The following NLRP5 variants were observed in gnomAD, a reference collection of about 807,000 sequenced individuals.
NLRP5 encodes the protein NACHT, LRR and PYD domains-containing protein 5.
Under a neutral mutation model 113.1 loss-of-function variants are expected in NLRP5, and 93 were observed. The ratio of observed to expected loss-of-function variants is 0.82; its 90% CI spans 0.70 to 0.98. The LOEUF is 0.98. NLRP5 is among the 50% of genes least tolerant of loss of function. The pLI is 0.00. For missense variants in NLRP5, 1,808 were observed against 1,514.3 expected, an observed-to-expected ratio of 1.19 and a Z score of -3.22; for synonymous variants, 751 against 600.7, an observed-to-expected ratio of 1.25 and a Z score of -3.66.
At chr19:56,004,660 C>T (rs751233084) in intron 2 of NLRP5, among the ~76,000 whole-genome samples, 4 of 151,986 alleles carry the variant, frequency 2.6e-5, no homozygotes, top group African/African-American at 4.8e-5. Context: ...AGCAAGAATT[C>T]GGATCAGATT....
At position 56,027,388 on chromosome 19, in the gene NLRP5, G is replaced by C. The variant is rs748872279; in HGVS notation, c.1155G>C (p.Gln385His). Residue 385 changes from glutamine to histidine, a missense_variant, in exon 7 of 15, where the codon CAG becomes CAC. Transcript: ENST00000390649. Reference sequence around the variant, plus strand: ...TCTGCAAAGACTGGGCTGAGAAGCAGCCTCCGTTCACCCTCATACGCAGTC... The same window carrying C: ...TCTGCAAAGACTGGGCTGAGAAGCACCCTCCGTTCACCCTCATACGCAGTC... 4 of 1,613,434 alleles carry C rather than the reference G, an allele frequency of 2.5e-6. No homozygotes were observed. The African/African-American group carries it at 4.0e-5, about 16-fold the overall frequency.
Position 56,028,512 on chromosome 19 carries a change from G to A in NLRP5, c.2276+3G>A. ...GCATGTCCTGTGGTCCCTCTATGGT[G>A]AGTACCCCAGGCAGTTTTATCCTAT... On this transcript the variant is annotated splice_donor_region_variant and intron_variant, in intron 7 of 14. Coordinates refer to ENST00000390649, the MANE Select transcript of NLRP5 (RefSeq NM_153447.4). The A allele has an allele frequency of 1.2e-6, 2 of 1,610,714 alleles. No individual in the cohort carries two copies. Among genetic ancestry groups the A allele is most frequent in the Non-Finnish European group, 1.7e-6 (2 of 1,178,342 alleles).
chr19:56,058,204 C>T (rs768171390), intron 13 of NLRP5, 36 bp from the exon 14 acceptor site: 16 of 1,563,976 alleles, frequency 1.0e-5, no homozygotes, highest in African/African-American at 1.4e-5. Context: ...CATCATCGAT[C>T]TTTGGGGTTA....
chr19:56,048,804 AAT>A (rs1256518205), intron 11 of NLRP5, among the ~76,000 whole-genome samples: 1 of 151,882 alleles, frequency 6.6e-6, no homozygotes. Context: ...TATGCACCCA[AAT>A]ATGTTTTCCA....
the NLRP5 span, among the ~76,000 whole-genome samples, chr19:55,991,868 TTC>T: frequency 2.6e-4 from 40 of 152,172 alleles, 2 homozygotes; most frequent in Non-Finnish European, 5.9e-5. Flanking sequence ...ACAGCTAACA[TTC>T]TTTTTTTACT....
chr19:56,057,198 A>G (rs188477579), intron 13 of NLRP5, among the ~76,000 whole-genome samples: 159 of 152,252 alleles, frequency 1.0e-3, no homozygotes, highest in Non-Finnish European at 8.1e-4. Flanking sequence ...CTATATACCC[A>G]CCACCTAATT....
chr19:55,987,454 C>T, the NLRP5 span, among the ~76,000 whole-genome samples: 1 of 152,264 alleles, frequency 6.6e-6, no homozygotes, highest in South Asian at 2.1e-4. Flanking sequence ...GGTAGGAGTC[C>T]AGAGGGTGTT....
At position 56,040,910 on chromosome 19, in the gene NLRP5, CTCT is replaced by C. The variant is rs762827030; in HGVS notation, c.2787-7_2787-5del. 9 of 1,612,310 alleles carry C rather than the reference CTCT, an allele frequency of 5.6e-6. No homozygotes were observed. In the South Asian group the frequency reaches 6.6e-5, roughly 12 times the overall value. On this transcript the variant is annotated splice_polypyrimidine_tract_variant and intron_variant, in intron 10 of 14. Coordinates refer to ENST00000390649, the MANE Select transcript of NLRP5 (RefSeq NM_153447.4). ...ATCTCATCATGTCCTCTCTGGGGCTCTCTTCTTGCAGACTGGAGGACTGTGGCA... is the reference window on the plus strand; with the variant it reads ...ATCTCATCATGTCCTCTCTGGGGCTCTCTTGCAGACTGGAGGACTGTGGCA...
chr19:56,004,112 A>G lies in NLRP5; in HGVS notation c.442+17A>G, dbSNP rs765860948. ...ACATGAAAAGTAAGCGAGACTTGGG[A>G]CAAGTCTAGGGCAGGGAGGGGAGGT... On this transcript the variant is annotated intron_variant, in intron 2 of 14. Coordinates refer to ENST00000390649, the MANE Select transcript of NLRP5 (RefSeq NM_153447.4). 1.9e-5 allele frequency: 30 copies of G among 1,589,704 alleles called. No individual in the cohort carries two copies. The highest frequency in any genetic ancestry group is 3.5e-5 in the Admixed American group (2 of 57,488).
upstream of NLRP5, among the ~76,000 whole-genome samples, chr19:55,995,553 A>C (rs1334328748): frequency 6.6e-6 from 1 of 152,066 alleles, no homozygotes; most frequent in Non-Finnish European, 1.5e-5. Context: ...TTTTTGCTCA[A>C]AATTGTTTGG....
chr19:56,035,371 T>G (rs536950924), intron 9 of NLRP5, among the ~76,000 whole-genome samples: 20 of 152,334 alleles, frequency 1.3e-4, no homozygotes, highest in African/African-American at 4.6e-4. Context: ...CCAGGGAAAT[T>G]AGCCAAAGCA....
At chr19:56,050,073 AG>A (rs1378977052) in intron 11 of NLRP5, among the ~76,000 whole-genome samples, 1 of 152,120 alleles carries the variant, frequency 6.6e-6, no homozygotes, top group African/African-American at 2.4e-5. Flanking sequence ...TGAGGTCAGG[AG>A]TTCGAGACCA....
At chr19:56,053,597 C>T (rs759785081) in intron 12 of NLRP5, 41 bp from the exon 13 acceptor site, 5 of 1,573,194 alleles carry the variant, frequency 3.2e-6, no homozygotes, top group South Asian at 2.3e-5. Flanking sequence ...TTCCACTTTC[C>T]TCGAGAGAGG....
chr19:56,036,016 TACG>T (rs1983296880), intron 9 of NLRP5, among the ~76,000 whole-genome samples: 1 of 150,666 alleles, frequency 6.6e-6, no homozygotes, highest in African/African-American at 2.4e-5. Flanking sequence ...CATGTAGTAC[TACG>T]ACATGTTCCT....
upstream of NLRP5, among the ~76,000 whole-genome samples, chr19:55,996,289 ATTG>A (rs879385323): frequency 3.9e-5 from 6 of 152,032 alleles, no homozygotes; most frequent in Admixed American, 2.6e-4. Flanking sequence ...CATGGCCTTT[ATTG>A]TTCTGAGTTA....
rs149124202 is a variant in NLRP5 at position 56,011,340 on chromosome 19, G to A, written c.508+2487G>A. ...GTGGTTGCCTAGGGCTGGGGTGAAT[G>A]GGGAAACTTAGAGGGTGAGGACTAA... On this transcript the variant is annotated intron_variant, in intron 3 of 14. Transcript: ENST00000390649. Among the ~76,000 whole-genome samples the A allele has an allele frequency of 8.5e-3, 1,288 of 152,116 alleles. 5 individuals carry two copies. Among genetic ancestry groups the A allele is most frequent in the Middle Eastern group, 0.017 (5 of 294 alleles).
At chr19:56,019,088 G>A (rs907490454) in intron 4 of NLRP5, among the ~76,000 whole-genome samples, 24 of 152,108 alleles carry the variant, frequency 1.6e-4, no homozygotes, top group African/African-American at 4.8e-4. Context: ...GAACGACCAC[G>A]CCCAACCTAC....
chr19:56,010,757 T>TAAAAAAAAAAAAAAAAAAA (rs1334394117), intron 3 of NLRP5, among the ~76,000 whole-genome samples: 1 of 21,684 alleles, frequency 4.6e-5, no homozygotes, highest in Non-Finnish European at 1.0e-4. Context: ...AAAAAAAAAG[T>TAAAAAAAAAAAAAAAAAAA]CCCTTGAAAC....
chr19:56,008,932 C>A, intron 3 of NLRP5, 79 bp downstream of exon 3: 2 of 1,228,276 alleles, frequency 1.6e-6, no homozygotes, highest in Non-Finnish European at 2.4e-6. Flanking sequence ...GGCATTAGAA[C>A]CATGACTTCT....
Sources: allele counts gnomAD v4.1 joint callset (sites outside exome capture counted in the v4.1 genomes callset), GRCh38; gene constraint gnomAD v4.1.1; transcripts MANE v1.5; gene names NCBI Gene and HGNC (gene_info 2026-07-23, HGNC 2026-07-21).